The following ZNF26 variants were observed in gnomAD, a reference collection of about 807,000 sequenced individuals.
ZNF26 encodes the protein zinc finger protein 26.
In ZNF26, 32 loss-of-function variants were observed where a neutral mutation model predicts 54.9. The observed-to-expected ratio is 0.58, with a 90% CI of 0.44 to 0.78. The LOEUF (loss-of-function observed/expected upper bound fraction) is 0.78, where lower values mean the gene tolerates loss of function less well. Ranked by LOEUF, ZNF26 falls within the 30% of genes least tolerant of loss-of-function variation. The pLI is 0.00. For synonymous variants in ZNF26, 221 were observed against 209.2 expected, an observed-to-expected ratio of 1.06 and a Z score of -0.49; for missense variants, 524 against 634.0, an observed-to-expected ratio of 0.83 and a Z score of 1.86.
chr12:133,000,246 TTTTA>T (rs1429581107), intron 1 of ZNF26, among the ~76,000 whole-genome samples: 2 of 151,638 alleles, frequency 1.3e-5, no homozygotes, highest in Non-Finnish European at 2.9e-5. Flanking sequence ...ACTTTTATTC[TTTTA>T]TTTATTTATT....
rs1207161483 is a variant in ZNF26 at position 133,020,475 on chromosome 12, T to C, written c.*8994T>C. The C allele has an allele frequency of 6.6e-6, 1 of 151,914 alleles. No homozygotes were observed. Among genetic ancestry groups the C allele is most frequent in the Non-Finnish European group, 1.5e-5 (1 of 67,994 alleles). 9.4% of individuals were successfully genotyped at this position (151,914 alleles called of 1,614,324 possible). ...ATATATTTACATTTTGTTTATATAT[T>C]TATATTTTGCCTCAAAAAAGGCAAA... On this transcript the variant is annotated 3_prime_UTR_variant, in exon 4 of 4. Coordinates refer to ENST00000328654, the MANE Select transcript of ZNF26 (RefSeq NM_019591.4).
chr12:133,026,035 C>T lies in ZNF26; in HGVS notation c.*14554C>T, dbSNP rs1340569255. On this transcript the variant is annotated 3_prime_UTR_variant, in exon 4 of 4. Coordinates refer to ENST00000328654, the MANE Select transcript of ZNF26 (RefSeq NM_019591.4). ...CCAGCCCCTTCTGTTCTAGATCTAG[C>T]CTTAGAAAAAGCTGCCTAGCTGAGC... 2 of 152,166 alleles carry T rather than the reference C, an allele frequency of 1.3e-5. No homozygotes were observed. Among genetic ancestry groups the T allele is most frequent in the African/African-American group, 2.4e-5 (1 of 41,402 alleles). 9.4% of individuals were successfully genotyped at this position (152,166 alleles called of 1,614,324 possible).
At chr12:132,992,299 A>G (rs1952981466) in intron 1 of ZNF26, among the ~76,000 whole-genome samples, 1 of 146,084 alleles carries the variant, frequency 6.8e-6, no homozygotes, top group African/African-American at 2.4e-5. Flanking sequence ...AGGGTACAGA[A>G]TTCTGTTTTG....
rs1367255073 is a variant in ZNF26 at position 133,014,156 on chromosome 12, A to G, written c.*2675A>G. On this transcript the variant is annotated 3_prime_UTR_variant, in exon 4 of 4. Transcript: ENST00000328654. ...TGGGATGGGATTGCTCATTTAGGAA[A>G]ATATGTAGAATTCATAGAGCATTGC... 6.6e-6 allele frequency: 1 copy of G among 152,256 alleles called. No individual in the cohort carries two copies. The highest frequency in any genetic ancestry group is 1.5e-5 in the Non-Finnish European group (1 of 68,058). 9.4% of individuals were successfully genotyped at this position (152,256 alleles called of 1,614,324 possible).
At chr12:133,000,322 G>A (rs895229240) in intron 1 of ZNF26, among the ~76,000 whole-genome samples, 5 of 151,512 alleles carry the variant, frequency 3.3e-5, no homozygotes, top group Non-Finnish European at 5.9e-5. Flanking sequence ...GCACGTTCTC[G>A]CTCACTGCAG....
chr12:132,986,716 C>A lies in ZNF26; in HGVS notation c.-125C>A. ...CCGGCGTCCCTGCCAACGACTCGGC[C>A]CCGGGACGGTCAGGAGCCTGGGGCC... On this transcript the variant is annotated 5_prime_UTR_variant, in exon 1 of 4. Coordinates refer to ENST00000328654, the MANE Select transcript of ZNF26 (RefSeq NM_019591.4). 1 of 1,070,012 alleles carries A rather than the reference C, an allele frequency of 9.3e-7. No individual in the cohort carries two copies. Among genetic ancestry groups the A allele is most frequent in the Non-Finnish European group, 1.3e-6 (1 of 741,644 alleles). The allele number at this position is 1,070,012 out of a possible 1,614,324, so 66.3% of individuals were successfully genotyped here. A position where few individuals can be genotyped will look rare whatever the true frequency, so the allele number is the denominator to read the frequency against.
At position 132,993,027 on chromosome 12, in the gene ZNF26, C is replaced by CTTTT. The variant is rs71079156; in HGVS notation, c.33+6166_33+6169dup. Among the ~76,000 whole-genome samples, 137 of 129,442 alleles carry CTTTT rather than the reference C, an allele frequency of 1.1e-3. 13 individuals are homozygous for CTTTT. The highest frequency in any genetic ancestry group is 1.5e-3 in the African/African-American group (54 of 36,000). 84.9% of individuals were successfully genotyped at this position (129,442 alleles called of 152,430 possible). A position where few individuals can be genotyped will look rare whatever the true frequency, so the allele number is the denominator to read the frequency against. ...ACAGTGTTTTTGATCACTAGTATTT[C>CTTTT]TTTTTTTTTTTTTTTGAGATGGAGT... On this transcript the variant is annotated intron_variant, in intron 1 of 3. Transcript: ENST00000328654.
At position 133,001,128 on chromosome 12, in the gene ZNF26, C is replaced by T. The variant is rs1004490922; in HGVS notation, c.34-5914C>T. 1.5e-3 allele frequency among the ~76,000 whole-genome samples: 228 copies of T among 152,266 alleles called. 1 individual carries two copies. The highest frequency in any genetic ancestry group is 5.3e-3 in the African/African-American group (219 of 41,550). ...GTAACCAGCTTGATAAGCACCTCAA[C>T]GTAATAAGGGCACAGTAGTGGCTTC... On this transcript the variant is annotated intron_variant, in intron 1 of 3. Transcript: ENST00000328654. The surrounding 1 kb of genome is among the most constrained non-coding windows in gnomAD (Gnocchi z 4.7).
rs1315172888 is a variant in ZNF26, at chr12:133,017,656, G to C, written c.*6175G>C. ...AAAAAACAAAGAGCACCAGTAAAGG[G>C]TAATTATGTAATAATAAAAGATAGT... On this transcript the variant is annotated 3_prime_UTR_variant, in exon 4 of 4. Transcript: ENST00000328654. 4 of 152,184 alleles carry C rather than the reference G, an allele frequency of 2.6e-5. No homozygotes were observed. The highest frequency in any genetic ancestry group is 6.5e-5 in the Admixed American group (1 of 15,270). The allele number at this position is 152,184 out of a possible 1,614,324, so 9.4% of individuals were successfully genotyped here.
At chr12:133,004,208 G>A (rs1953278563) in intron 1 of ZNF26, among the ~76,000 whole-genome samples, 1 of 152,122 alleles carries the variant, frequency 6.6e-6, no homozygotes, top group Non-Finnish European at 1.5e-5. Context: ...GTGCTTGATT[G>A]TCTTTAAGTT....
intron 1 of ZNF26, among the ~76,000 whole-genome samples, chr12:133,003,403 C>T (rs1001579718): frequency 2.0e-5 from 3 of 151,982 alleles, no homozygotes; most frequent in African/African-American, 2.4e-5. Context: ...TACAGGCACC[C>T]GCCACCACGC....
rs1456150682 is a variant in ZNF26 at position 133,020,231 on chromosome 12, G to A, written c.*8750G>A. The A allele has an allele frequency of 2.6e-5, 4 of 152,140 alleles. No individual in the cohort carries two copies. Among genetic ancestry groups the A allele is most frequent in the Non-Finnish European group, 5.9e-5 (4 of 68,044 alleles). The allele number at this position is 152,140 out of a possible 1,614,324, so 9.4% of individuals were successfully genotyped here. ...CATTTGCAGCAACTGGGATGGAACTGAAAGCCATTATAATAAGTGAAATAA... is the reference window on the plus strand; with the variant it reads ...CATTTGCAGCAACTGGGATGGAACTAAAAGCCATTATAATAAGTGAAATAA... On this transcript the variant is annotated 3_prime_UTR_variant, in exon 4 of 4. Coordinates refer to ENST00000328654, the MANE Select transcript of ZNF26 (RefSeq NM_019591.4).
Position 133,014,779 on chromosome 12 carries a change from C to G in ZNF26, c.*3298C>G, listed in dbSNP as rs1208269425. On this transcript the variant is annotated 3_prime_UTR_variant, in exon 4 of 4. Coordinates refer to ENST00000328654, the MANE Select transcript of ZNF26 (RefSeq NM_019591.4). ...CAGGCTGGTCTTGAATTCCTGACCT[C>G]AGGTAATCCACCTGCCTCGGCCTCC... 1 of 152,056 alleles carries G rather than the reference C, an allele frequency of 6.6e-6. No individual in the cohort carries two copies. Among genetic ancestry groups the G allele is most frequent in the Non-Finnish European group, 1.5e-5 (1 of 68,082 alleles). 9.4% of individuals were successfully genotyped at this position (152,056 alleles called of 1,614,324 possible).
intron 1 of ZNF26, among the ~76,000 whole-genome samples, chr12:132,988,824 A>G (rs1276067407): frequency 2.6e-5 from 4 of 152,084 alleles, no homozygotes; most frequent in South Asian, 2.1e-4. Context: ...TTTTTCTCAT[A>G]TAGATTTTAT....
rs1953132138 is a variant in ZNF26, at chr12:132,998,170, T to C, written c.34-8872T>C. 3.3e-5 allele frequency among the ~76,000 whole-genome samples: 5 copies of C among 151,758 alleles called. No homozygotes were observed. In the South Asian group the frequency reaches 1.0e-3, roughly 32 times the overall value. ...ACTTTGCTGGAGCTTTTTTTTTTTT[T>C]TCTTTTTTCTTTTTGAGACGGAGTC... On this transcript the variant is annotated intron_variant, in intron 1 of 3. Transcript: ENST00000328654.
At chr12:132,987,722 C>T (rs1317436997) in intron 1 of ZNF26, 3 of 985,382 alleles carry the variant, frequency 3.0e-6, no homozygotes, top group South Asian at 9.4e-5. Flanking sequence ...TTATTGTATT[C>T]GTGGAAGCTC....
chr12:133,006,923 T>C (rs1250605089), intron 1 of ZNF26, 119 bp from the exon 2 acceptor site: 1 of 1,289,428 alleles, frequency 7.8e-7, no homozygotes, highest in African/African-American at 1.5e-5. Context: ...AAGTAAATGC[T>C]GAACCAGCCA....
Position 133,012,583 on chromosome 12 carries a change from T to TTTTTTTTG in ZNF26, c.*1109_*1110insGTTTTTTT. Reference sequence around the variant, plus strand: ...TTTTGCTTTTTGTTGTTTGGGTTTTTTTTTTTTTTTTTTTTTTTTTTTTTT... The same window carrying TTTTTTTTG: ...TTTTGCTTTTTGTTGTTTGGGTTTTTTTTTTTTGTTTTTTTTTTTTTTTTTTTTTTTTT... On this transcript the variant is annotated 3_prime_UTR_variant, in exon 4 of 4. Coordinates refer to ENST00000328654, the MANE Select transcript of ZNF26 (RefSeq NM_019591.4). The TTTTTTTTG allele has an allele frequency of 1.8e-5, 2 of 109,472 alleles. No individual in the cohort carries two copies. The highest frequency in any genetic ancestry group is 3.8e-5 in the Non-Finnish European group (2 of 52,416). The allele number at this position is 109,472 out of a possible 1,614,324, so 6.8% of individuals were successfully genotyped here.
At position 133,020,665 on chromosome 12, in the gene ZNF26, C is replaced by T. The variant is rs1194534926; in HGVS notation, c.*9184C>T. 9 of 152,208 alleles carry T rather than the reference C, an allele frequency of 5.9e-5. No individual in the cohort carries two copies. The highest frequency in any genetic ancestry group is 1.2e-4 in the African/African-American group (5 of 41,518). 9.4% of individuals were successfully genotyped at this position (152,208 alleles called of 1,614,324 possible). A position where few individuals can be genotyped will look rare whatever the true frequency, so the allele number is the denominator to read the frequency against. On this transcript the variant is annotated 3_prime_UTR_variant, in exon 4 of 4. Transcript: ENST00000328654. ...AATCGTATAAGTTGTCTAGGACTGT[C>T]GTAACAAAGAACCACAAACTGGATG... is the stretch of plus-strand genomic sequence containing the variant.
Sources: gnomAD v4.1 joint callset for allele counts (sites outside exome capture counted in the v4.1 genomes callset) on GRCh38, gnomAD v4.1.1 for gene constraint, Gnocchi (gnomAD v3.1) non-coding constraint, MANE v1.5 for transcripts, NCBI Gene and HGNC (gene_info 2026-07-23, HGNC 2026-07-21) for gene names.